The following SNED1 variants were observed in gnomAD, a reference collection of about 807,000 sequenced individuals.
SNED1 encodes sushi, nidogen and EGF-like domain-containing protein 1.
In SNED1, 81 loss-of-function variants were observed where a neutral mutation model predicts 166.7. The observed-to-expected ratio is 0.49, with a 90% CI of 0.41 to 0.58. SNED1 has a LOEUF of 0.58. SNED1 is among the 20% of genes least tolerant of loss of function. The probability of loss-of-function intolerance (pLI) is 0.00; values close to 1 mark genes in which losing one functional copy is unlikely to be tolerated. For synonymous variants in SNED1, 762 were observed against 822.0 expected (o/e 0.93, Z 1.25); for missense variants, 1,604 against 2,000.2 (o/e 0.80, Z 3.78).
Position 240,999,060 on chromosome 2 carries a change from C to A in SNED1, c.213+10C>A. On this transcript the variant is annotated intron_variant, in intron 1 of 31. Transcript: ENST00000310397. The surrounding 1 kb of genome is among the most constrained non-coding windows in gnomAD (Gnocchi z 5.8). ...GCACTCCGGACTCTACGTGAGTAAC[C>A]CCCGGGCTCGCGGGGCGCCCGGGAG... The A allele has an allele frequency of 7.8e-7, 1 of 1,280,400 alleles. No homozygotes were observed. The highest frequency in any genetic ancestry group is 3.8e-5 in the Admixed American group (1 of 26,360). 79.3% of individuals were successfully genotyped at this position (1,280,400 alleles called of 1,614,324 possible). A position where few individuals can be genotyped will look rare whatever the true frequency, so the allele number is the denominator to read the frequency against.
chr2:241,085,664 T>TG (rs1469326299), intron 29 of SNED1, among the ~76,000 whole-genome samples: 1 of 152,130 alleles, frequency 6.6e-6, no homozygotes, highest in African/African-American at 2.4e-5. Flanking sequence ...TATTGGATGC[T>TG]GGGCATTGTA....
chr2:241,035,020 G>A (rs2061302925), intron 4 of SNED1, among the ~76,000 whole-genome samples: 1 of 152,122 alleles, frequency 6.6e-6, no homozygotes, highest in Admixed American at 6.5e-5. Context: ...GGGTTGGAGG[G>A]AACCCTCTGG....
chr2:241,079,957 G>T (rs2063251560), intron 27 of SNED1, among the ~76,000 whole-genome samples: 1 of 152,144 alleles, frequency 6.6e-6, no homozygotes, highest in African/African-American at 2.4e-5. Context: ...TCAGTGTAAA[G>T]AATTAAAAAT....
intron 1 of SNED1, chr2:241,010,010 T>C (rs1390517023): frequency 6.6e-6 from 1 of 152,312 alleles, no homozygotes; most frequent in Non-Finnish European, 1.5e-5. Flanking sequence ...GAATCCTAAT[T>C]GCCCAGAAAG....
rs1037856568 is a variant in SNED1, at chr2:240,998,911, C to A, written c.74C>A (p.Ala25Glu). 3.9e-5 allele frequency: 49 copies of A among 1,242,362 alleles called. No homozygotes were observed. The African/African-American group carries it at 6.8e-4, about 17-fold the overall frequency. The allele number at this position is 1,242,362 out of a possible 1,614,324, so 77.0% of individuals were successfully genotyped here. ...LGLGARGVRG[A>E]VALADFYPFG... ...CTTGGGGCGCGCGGGGTGCGCGGCG[C>A]GGTGGCCCTTGCCGACTTCTACCCG... The change falls in exon 1 of 32, where the codon GCG (alanine) becomes GAG (glutamate). Residue 25 changes from alanine (A) to glutamate (E), a missense_variant. Transcript: ENST00000310397.
chr2:241,071,921 C>T (rs746143141), intron 26 of SNED1, 43 bp downstream of exon 26: 21 of 1,449,302 alleles, frequency 1.4e-5, no homozygotes, highest in Non-Finnish European at 1.9e-5. Flanking sequence ...GGCCCACCCT[C>T]GTCCTCACTG....
At chr2:241,032,585 G>A (rs1386322786) in intron 2 of SNED1, among the ~76,000 whole-genome samples, 5 of 152,070 alleles carry the variant, frequency 3.3e-5, no homozygotes, top group East Asian at 1.9e-4. Context: ...GTATACATAT[G>A]TAACAAACCT....
chr2:241,067,382 G>A (rs2062500508), intron 21 of SNED1, among the ~76,000 whole-genome samples: 1 of 152,204 alleles, frequency 6.6e-6, no homozygotes, highest in Non-Finnish European at 1.5e-5. Context: ...GCCCGGATGT[G>A]TGCTCTTAGA....
intron 1 of SNED1, among the ~76,000 whole-genome samples, chr2:241,005,335 C>T (rs1056149375): frequency 4.6e-5 from 7 of 152,122 alleles, no homozygotes; most frequent in Non-Finnish European, 7.4e-5. Flanking sequence ...TCCTGAGTAC[C>T]TGGGACTACA....
chr2:241,054,311 G>T (rs978134231), intron 16 of SNED1, among the ~76,000 whole-genome samples: 4 of 152,224 alleles, frequency 2.6e-5, no homozygotes, highest in African/African-American at 9.6e-5. Context: ...TAAAAGTCCA[G>T]AAAATATGTA....
At position 241,030,469 on chromosome 2, in the gene SNED1, C is replaced by T. The variant is rs370089740; in HGVS notation, c.399C>T (p.Asp133=). 6.2e-6 allele frequency: 10 copies of T among 1,613,796 alleles called. No individual in the cohort carries two copies. In the African/African-American group the frequency reaches 6.7e-5, roughly 11 times the overall value. Residue 133 remains aspartate (D), a synonymous_variant, in exon 2 of 32, where the codon GAC becomes GAT. Coordinates refer to ENST00000310397, the MANE Select transcript of SNED1 (RefSeq NM_001080437.3). ...CCATGCTGCGCCGAGCCACGGAGGA[C>T]GTCAGGCACTACTTCCCCGAGCTCC... is the stretch of plus-strand genomic sequence containing the variant. ...DPAMLRRATE[D]VRHYFPELLD...
chr2:241,049,387 T>A (rs2061760577), intron 11 of SNED1, among the ~76,000 whole-genome samples: 2 of 152,214 alleles, frequency 1.3e-5, no homozygotes, highest in South Asian at 4.1e-4. Context: ...GTATCTTACC[T>A]AAGCCCCAAC....
chr2:241,049,776 C>T (rs200948658), intron 11 of SNED1, 41 bp from the exon 12 acceptor site: 43 of 1,495,780 alleles, frequency 2.9e-5, no homozygotes, highest in African/African-American at 1.5e-4. Context: ...CGCACAGATG[C>T]GGCGTAAGCT....
At position 241,073,477 on chromosome 2, in the gene SNED1, T is replaced by A; in HGVS notation, c.3916+113T>A. ...GTGAGGAATCAGGAGGCACAGAGCC[T>A]ACCTGAGGGGAGGCTGAGCACCAGG... On this transcript the variant is annotated intron_variant, in intron 27 of 31. Transcript: ENST00000310397. The surrounding 1 kb of genome is among the most constrained non-coding windows in gnomAD (Gnocchi z 6.6). 1.1e-6 allele frequency: 1 copy of A among 872,326 alleles called. No individual in the cohort carries two copies. Among genetic ancestry groups the A allele is most frequent in the Non-Finnish European group, 1.9e-6 (1 of 531,558 alleles). 54.0% of individuals were successfully genotyped at this position (872,326 alleles called of 1,614,324 possible). A position where few individuals can be genotyped will look rare whatever the true frequency, so the allele number is the denominator to read the frequency against.
chr2:241,058,513 A>G (rs1165285517), intron 16 of SNED1, among the ~76,000 whole-genome samples: 1 of 152,206 alleles, frequency 6.6e-6, no homozygotes, highest in African/African-American at 2.4e-5. Context: ...TGAAAAGCCT[A>G]ATGTAACATG....
intron 1 of SNED1, among the ~76,000 whole-genome samples, chr2:241,000,326 G>A (rs1441792125): frequency 1.3e-5 from 2 of 152,214 alleles, no homozygotes; most frequent in African/African-American, 2.4e-5. Flanking sequence ...TCCCCACCTC[G>A]GTGGCAGCAC....
In SNED1 at chr2:241,036,882, C is replaced by T. The variant is rs1410420277; in HGVS notation, c.898C>T (p.Leu300Phe). 4 of 1,611,784 alleles carry T rather than the reference C, an allele frequency of 2.5e-6. No homozygotes were observed. The highest frequency in any genetic ancestry group is 3.4e-6 in the Non-Finnish European group (4 of 1,179,634). ...CAACCCCTCCTACACCTGCTCCTGC[C>T]TCTCGGGCTTCACGGGGCGGAGGTG... ...TGNPSYTCSC[L>F]SGFTGRRCHL... Residue 300 changes from leucine to phenylalanine, a missense_variant, in exon 5 of 32, where the codon CTC (leucine) becomes TTC (phenylalanine). Leu to Phe is a conservative substitution (Grantham distance 22). Around this residue, in one of 2 missense-constraint regions of SNED1, gnomAD observed 1,237 missense variants for 1,620.8 expected, o/e 0.76. Transcript: ENST00000310397.
At chr2:241,059,396 C>T (rs931583399) in intron 16 of SNED1, among the ~76,000 whole-genome samples, 1 of 152,222 alleles carries the variant, frequency 6.6e-6, no homozygotes, top group Non-Finnish European at 1.5e-5. Context: ...GAACACTTCT[C>T]ATTTGATACC....
At position 241,051,847 on chromosome 2, in the gene SNED1, G is replaced by A; in HGVS notation, c.1839G>A (p.Arg613=). 6.4e-7 allele frequency: 1 copy of A among 1,556,472 alleles called. No individual in the cohort carries two copies. The highest frequency in any genetic ancestry group is 1.2e-5 in the South Asian group (1 of 83,790). Residue 613 remains arginine (R), a synonymous_variant, in exon 13 of 32, where the codon AGG becomes AGA. Coordinates refer to ENST00000310397, the MANE Select transcript of SNED1 (RefSeq NM_001080437.3). This position sits in a 1 kb window ranked among gnomAD's most constrained non-coding sequence, Gnocchi z 4.7. ...GCTGCCCCTACCGCTTCACTGGGAGGCACTGTGAGATCGGTGCGGCCCCCA... is the reference window on the plus strand; with the variant it reads ...GCTGCCCCTACCGCTTCACTGGGAGACACTGTGAGATCGGTGCGGCCCCCA... ...HCSCPYRFTG[R]HCEIGKPDSC...
Sources: allele counts gnomAD v4.1 joint callset (sites outside exome capture counted in the v4.1 genomes callset), GRCh38; gene constraint gnomAD v4.1.1; regional missense constraint gnomAD v4.1.1; non-coding constraint Gnocchi (gnomAD v3.1); transcripts MANE v1.5; gene names NCBI Gene and HGNC (gene_info 2026-07-23, HGNC 2026-07-21).